The following PPP3CA variants were observed in gnomAD, a reference collection of about 807,000 sequenced individuals.
The protein encoded by PPP3CA is protein phosphatase 3 catalytic subunit alpha, also known as CAM-PRP catalytic subunit.
PPP3CA carries 14 observed loss-of-function variants against 66.5 expected under a neutral mutation model. That is an observed-to-expected ratio of 0.21 (90% CI 0.14 to 0.33). PPP3CA has a LOEUF of 0.33. Ranked by LOEUF, PPP3CA falls within the 10% of genes least tolerant of loss-of-function variation. The probability of loss-of-function intolerance (pLI) is 1.00; values close to 1 mark genes in which losing one functional copy is unlikely to be tolerated. For synonymous variants in PPP3CA, 232 were observed against 226.2 expected, an observed-to-expected ratio of 1.03 and a Z score of -0.23; for missense variants, 317 against 639.5, an observed-to-expected ratio of 0.50 and a Z score of 5.44.
intron 2 of PPP3CA, among the ~76,000 whole-genome samples, chr4:101,182,978 T>C (rs552061179): frequency 6.6e-6 from 1 of 152,284 alleles, no homozygotes; most frequent in Admixed American, 6.5e-5. Context: ...GAACTGTAAG[T>C]CCATTAAACC....
chr4:101,088,991 G>A (rs1439552493), intron 6 of PPP3CA, among the ~76,000 whole-genome samples: 1 of 152,192 alleles, frequency 6.6e-6, no homozygotes, highest in Non-Finnish European at 1.5e-5. Flanking sequence ...ATTTTCAGTG[G>A]GGATTAAGCA....
At chr4:101,229,778 T>C (rs540969520) in intron 1 of PPP3CA, among the ~76,000 whole-genome samples, 1 of 151,536 alleles carries the variant, frequency 6.6e-6, no homozygotes, top group East Asian at 2.0e-4. Flanking sequence ...AAAAGGGCAG[T>C]AGGAATGGGG....
At chr4:101,341,222 T>TC (rs1729805869) in intron 1 of PPP3CA, among the ~76,000 whole-genome samples, 1 of 150,444 alleles carries the variant, frequency 6.6e-6, no homozygotes, top group South Asian at 2.1e-4. Flanking sequence ...TTTTTTTTTT[T>TC]AAGAGATATG....
At chr4:101,098,301 A>G in intron 5 of PPP3CA, 66 bp downstream of exon 5, 1 of 1,452,546 alleles carries the variant, frequency 6.9e-7, no homozygotes, top group Non-Finnish European at 9.2e-7. Flanking sequence ...AGGCAGGGTA[A>G]TTAATGTCTT....
chr4:101,053,224 C>A (rs185799684), intron 10 of PPP3CA, among the ~76,000 whole-genome samples: 1 of 152,082 alleles, frequency 6.6e-6, no homozygotes, highest in Non-Finnish European at 1.5e-5. Context: ...TTCAATTTTA[C>A]GTGCCACTGT....
At position 101,148,959 on chromosome 4, in the gene PPP3CA, T is replaced by C. The variant is rs188008761; in HGVS notation, c.260-39881A>G. On this transcript the variant is annotated intron_variant, in intron 2 of 13. Coordinates refer to ENST00000394854, the MANE Select transcript of PPP3CA (RefSeq NM_000944.5). The stretch of plus-strand genomic sequence containing the variant: ...GTCTATCACAGAAATTGTTCTTACA[T>C]TCTTTACTAGCATGCCATATTAATG... 2.8e-3 allele frequency among the ~76,000 whole-genome samples: 427 copies of C among 152,316 alleles called. 6 individuals carry two copies. The highest frequency in any genetic ancestry group is 0.026 in the South Asian group (124 of 4,832).
chr4:101,148,995 A>AT (rs1372441029), intron 2 of PPP3CA, among the ~76,000 whole-genome samples: 8 of 152,146 alleles, frequency 5.3e-5, no homozygotes, highest in Non-Finnish European at 1.2e-4. Flanking sequence ...AATAAAGATA[A>AT]TTTTTTAAAA....
In PPP3CA at chr4:101,313,850, A is replaced by G. The variant is rs553906857; in HGVS notation, c.58+32889T>C. On this transcript the variant is annotated intron_variant, in intron 1 of 13. Coordinates refer to ENST00000394854, the MANE Select transcript of PPP3CA (RefSeq NM_000944.5). ...GTTTGGATTTTTAAAAACTCTATTA[A>G]ATGTTTAAGTGGTTGTGAATATGAG... Among the ~76,000 whole-genome samples, 17 of 152,332 alleles carry G rather than the reference A, an allele frequency of 1.1e-4. 1 individual carries two copies. In the South Asian group the frequency reaches 3.5e-3, roughly 32 times the overall value.
At chr4:101,227,013 C>A (rs1326193428) in intron 1 of PPP3CA, among the ~76,000 whole-genome samples, 1 of 151,744 alleles carries the variant, frequency 6.6e-6, no homozygotes, top group African/African-American at 2.4e-5. Context: ...ACATGATCTA[C>A]TTTAAATAAG....
At chr4:101,171,079 C>A in intron 2 of PPP3CA, 1 of 401,764 alleles carries the variant, frequency 2.5e-6, no homozygotes, top group Non-Finnish European at 4.9e-6. Context: ...GCTATCAATA[C>A]TCACCCAAGG....
chr4:101,047,241 C>T (rs1727804903), intron 10 of PPP3CA, among the ~76,000 whole-genome samples: 1 of 152,032 alleles, frequency 6.6e-6, no homozygotes, highest in Admixed American at 6.6e-5. Flanking sequence ...GCGCTTGAGT[C>T]CTAGATTTAA....
At chr4:101,184,315 C>A (rs542921476) in intron 2 of PPP3CA, among the ~76,000 whole-genome samples, 1 of 152,150 alleles carries the variant, frequency 6.6e-6, no homozygotes, top group Non-Finnish European at 1.5e-5. Context: ...GGCCCAGAAT[C>A]AGTTCCCTGC....
chr4:101,045,897 T>C (rs1727744100), intron 10 of PPP3CA, among the ~76,000 whole-genome samples: 1 of 152,210 alleles, frequency 6.6e-6, no homozygotes, highest in Non-Finnish European at 1.5e-5. Context: ...GTGATGAGTA[T>C]CTAAGTATAA....
chr4:101,175,431 G>A (rs1296700249), intron 2 of PPP3CA, among the ~76,000 whole-genome samples: 1 of 152,162 alleles, frequency 6.6e-6, no homozygotes, highest in Non-Finnish European at 1.5e-5. Context: ...GGGAGTTGAA[G>A]TGATTTGCTC....
rs1726481873 is a variant in PPP3CA at position 101,023,592 on chromosome 4, C to T, written c.*2273G>A. On this transcript the variant is annotated 3_prime_UTR_variant, in exon 14 of 14. Coordinates refer to ENST00000394854, the MANE Select transcript of PPP3CA (RefSeq NM_000944.5). ...GATACCAGAATCACCATTTCTTTCACATCATCACTCTAGTAAGTTGCATCT... is the reference window on the plus strand; with the variant it reads ...GATACCAGAATCACCATTTCTTTCATATCATCACTCTAGTAAGTTGCATCT... 1.3e-5 allele frequency: 2 copies of T among 152,498 alleles called. No homozygotes were observed. Among genetic ancestry groups the T allele is most frequent in the Non-Finnish European group, 2.9e-5 (2 of 68,032 alleles). The allele number at this position is 152,498 out of a possible 1,614,324, so 9.4% of individuals were successfully genotyped here.
At chr4:101,105,532 G>A (rs974885848) in intron 3 of PPP3CA, among the ~76,000 whole-genome samples, 6 of 151,260 alleles carry the variant, frequency 4.0e-5, no homozygotes, top group Non-Finnish European at 7.4e-5. Context: ...AAAATTTCAG[G>A]TGGTTTGAGG....
chr4:101,328,787 T>C (rs1338486421), intron 1 of PPP3CA, among the ~76,000 whole-genome samples: 2 of 152,146 alleles, frequency 1.3e-5, no homozygotes, highest in African/African-American at 2.4e-5. Context: ...TGGTAATCTG[T>C]GATCCATGGT....
At chr4:101,290,646 A>G (rs1200558466) in intron 1 of PPP3CA, among the ~76,000 whole-genome samples, 1 of 152,218 alleles carries the variant, frequency 6.6e-6, no homozygotes, top group Non-Finnish European at 1.5e-5. Flanking sequence ...CAACAAGGAG[A>G]GACAGACAAC....
chr4:101,048,751 A>C (rs531141490), intron 10 of PPP3CA, among the ~76,000 whole-genome samples: 87 of 152,038 alleles, frequency 5.7e-4, no homozygotes, highest in Non-Finnish European at 9.7e-4. Context: ...AATCACTCTA[A>C]AGCAAATATT....
Sources: gnomAD v4.1 joint callset for allele counts (sites outside exome capture counted in the v4.1 genomes callset) on GRCh38, gnomAD v4.1.1 for gene constraint, MANE v1.5 for transcripts, NCBI Gene and HGNC (gene_info 2026-07-23, HGNC 2026-07-21) for gene names.